The following TAFA4 variants were observed in gnomAD, a reference collection of about 807,000 sequenced individuals.
The protein encoded by TAFA4 is chemokine-like protein TAFA-4.
A neutral mutation model predicts 21.1 loss-of-function variants in TAFA4; 20 were observed. That is an observed-to-expected ratio of 0.95 (90% CI 0.67 to 1.38). TAFA4 has a LOEUF of 1.38. TAFA4 is among the 40% of genes most tolerant of loss of function. The probability of loss-of-function intolerance (pLI) is 0.00; values close to 1 mark genes in which losing one functional copy is unlikely to be tolerated. For missense variants in TAFA4, 211 were observed against 180.9 expected (o/e 1.17, Z -0.95); for synonymous variants, 71 against 67.4 (o/e 1.05, Z -0.26).
At chr3:68,839,590 A>G (rs1350723627) in intron 3 of TAFA4, among the ~76,000 whole-genome samples, 3 of 152,222 alleles carry the variant, frequency 2.0e-5, no homozygotes. Context: ...GATGCAATTC[A>G]CAACCTTTTC....
intron 3 of TAFA4, among the ~76,000 whole-genome samples, chr3:68,796,148 G>C (rs1394736958): frequency 1.3e-5 from 2 of 152,154 alleles, no homozygotes; most frequent in Non-Finnish European, 2.9e-5. Context: ...GCACTGGGTT[G>C]CTAAAAACTC....
At chr3:68,908,353 AAATCAGCC>A (rs1175339896) in intron 1 of TAFA4, among the ~76,000 whole-genome samples, 1 of 152,310 alleles carries the variant, frequency 6.6e-6, no homozygotes, top group Admixed American at 6.5e-5. Context: ...GGGCTTTGTT[AAATCAGCC>A]CTAATCTCTA....
chr3:68,755,929 G>A (rs1702652310), intron 3 of TAFA4, among the ~76,000 whole-genome samples: 1 of 152,194 alleles, frequency 6.6e-6, no homozygotes, highest in South Asian at 2.1e-4. Flanking sequence ...CTGTCCTGGG[G>A]AAACCATGTT....
intron 3 of TAFA4, among the ~76,000 whole-genome samples, chr3:68,778,748 A>G (rs537419389): frequency 3.3e-5 from 5 of 152,316 alleles, no homozygotes; most frequent in South Asian, 2.1e-4. Flanking sequence ...TGTAAATCCA[A>G]TTGAACCTCT....
chr3:68,736,691 A>C (rs966295633), intron 5 of TAFA4, among the ~76,000 whole-genome samples: 2 of 152,148 alleles, frequency 1.3e-5, no homozygotes, highest in Admixed American at 6.6e-5. Context: ...GTGTAAGGTC[A>C]GTAACAATTT....
chr3:68,892,881 A>G lies in TAFA4; in HGVS notation c.-122-7571T>C, dbSNP rs115488031. Among the ~76,000 whole-genome samples the G allele has an allele frequency of 3.5e-3, 531 of 152,392 alleles. 2 individuals carry two copies. Among genetic ancestry groups the G allele is most frequent in the African/African-American group, 0.012 (496 of 41,596 alleles). Reference sequence around the variant, plus strand: ...ATAATGAATAACTGAGATCCAGTATACATAAAACTGAAAACTTAGCTGGCA... The same window carrying G: ...ATAATGAATAACTGAGATCCAGTATGCATAAAACTGAAAACTTAGCTGGCA... On this transcript the variant is annotated intron_variant, in intron 1 of 5. Transcript: ENST00000295569.
At chr3:68,899,486 G>C (rs748858124) in intron 1 of TAFA4, among the ~76,000 whole-genome samples, 18 of 151,744 alleles carry the variant, frequency 1.2e-4, no homozygotes, top group Non-Finnish European at 2.2e-4. Context: ...CATTGACTCA[G>C]ATAAAGGCCT....
intron 1 of TAFA4, among the ~76,000 whole-genome samples, chr3:68,902,331 A>G (rs1228663666): frequency 2.0e-5 from 3 of 151,824 alleles, no homozygotes; most frequent in Admixed American, 6.6e-5. Flanking sequence ...CCTCTCTTTT[A>G]CCCATACCAC....
intron 3 of TAFA4, among the ~76,000 whole-genome samples, chr3:68,845,745 C>T (rs1237172701): frequency 6.6e-6 from 1 of 152,192 alleles, no homozygotes; most frequent in Non-Finnish European, 1.5e-5. Flanking sequence ...ATTTGCTTGT[C>T]TGTAAAGGAT....
Position 68,763,761 on chromosome 3 carries a change from A to G in TAFA4, c.131-10743T>C, listed in dbSNP as rs1008298792. Among the ~76,000 whole-genome samples, 3 of 151,932 alleles carry G rather than the reference A, an allele frequency of 2.0e-5. No individual in the cohort carries two copies. In the South Asian group the frequency reaches 6.2e-4, roughly 32 times the overall value. ...TTACCACTTTTTTTCTAATAATATC[A>G]TAGATTTGAAGGTTCATAATATCTC... On this transcript the variant is annotated intron_variant, in intron 3 of 5. Transcript: ENST00000295569.
intron 3 of TAFA4, among the ~76,000 whole-genome samples, chr3:68,833,458 CACTTA>C (rs1243813655): frequency 2.0e-5 from 3 of 152,150 alleles, no homozygotes. Context: ...TGAAATACAA[CACTTA>C]ACTTTATTGT....
At chr3:68,811,593 A>G (rs1434273754) in intron 3 of TAFA4, among the ~76,000 whole-genome samples, 1 of 152,224 alleles carries the variant, frequency 6.6e-6, no homozygotes, top group African/African-American at 2.4e-5. Context: ...GATCAAAAGA[A>G]TGAAATGAAG....
At chr3:68,804,151 A>T (rs562448406) in intron 3 of TAFA4, among the ~76,000 whole-genome samples, 1 of 152,276 alleles carries the variant, frequency 6.6e-6, no homozygotes, top group South Asian at 2.1e-4. Flanking sequence ...CTGCTCCACG[A>T]AACATCATGA....
chr3:68,882,195 G>A (rs2089626710), intron 2 of TAFA4, among the ~76,000 whole-genome samples: 1 of 152,054 alleles, frequency 6.6e-6, no homozygotes. Flanking sequence ...TTGCAATGCA[G>A]CAATAAAAAA....
chr3:68,919,318 A>G (rs1363998572), intron 1 of TAFA4, among the ~76,000 whole-genome samples: 3 of 152,224 alleles, frequency 2.0e-5, no homozygotes, highest in East Asian at 3.8e-4. Flanking sequence ...CTAAACAAGG[A>G]GGAAAATGCC....
At chr3:68,770,557 G>A (rs1575601938) in intron 3 of TAFA4, among the ~76,000 whole-genome samples, 1 of 152,326 alleles carries the variant, frequency 6.6e-6, no homozygotes, top group East Asian at 1.9e-4. Flanking sequence ...ACTAGGGTAT[G>A]TGAACCCCTA....
chr3:68,894,460 C>T (rs1458976151), intron 1 of TAFA4, among the ~76,000 whole-genome samples: 1 of 152,184 alleles, frequency 6.6e-6, no homozygotes, highest in Non-Finnish European at 1.5e-5. Context: ...CATGTTACTT[C>T]TATAACACAA....
chr3:68,783,906 C>G (rs765262881), intron 3 of TAFA4, among the ~76,000 whole-genome samples: 71 of 151,944 alleles, frequency 4.7e-4, no homozygotes, highest in Admixed American at 1.6e-3. Context: ...TTATAATGAC[C>G]CTGTTTACTC....
At chr3:68,814,335 G>A (rs1039194789) in intron 3 of TAFA4, among the ~76,000 whole-genome samples, 41 of 152,080 alleles carry the variant, frequency 2.7e-4, no homozygotes, top group Admixed American at 6.6e-5. Context: ...GGCAGGAGAA[G>A]GAAATAAAGG....
Sources: allele counts gnomAD v4.1 joint callset (sites outside exome capture counted in the v4.1 genomes callset), GRCh38; gene constraint gnomAD v4.1.1; transcripts MANE v1.5; gene names NCBI Gene and HGNC (gene_info 2026-07-23, HGNC 2026-07-21).